The following AHCTF1 variants were observed in gnomAD, a reference collection of about 807,000 sequenced individuals.
The protein encoded by AHCTF1 is AT-hook containing transcription factor 1.
AHCTF1 carries 24 observed loss-of-function variants against 248.4 expected under a neutral mutation model. That is an observed-to-expected ratio of 0.10 (90% CI 0.07 to 0.14). The LOEUF (loss-of-function observed/expected upper bound fraction) is 0.14. Among genes scored for constraint, AHCTF1 ranks in the 10% least tolerant of loss-of-function variants. The pLI, the probability that AHCTF1 is intolerant of heterozygous loss-of-function variation, is 1.00. For synonymous variants in AHCTF1, 786 were observed against 929.8 expected (o/e 0.85, Z 2.81); for missense variants, 2,206 against 2,636.2 (o/e 0.84, Z 3.57).
In AHCTF1 at chr1:246,877,097, T is replaced by C. The variant is rs754188356; in HGVS notation, c.2806-16A>G. On this transcript the variant is annotated splice_polypyrimidine_tract_variant and intron_variant, in intron 22 of 35. Coordinates refer to ENST00000648844, the MANE Select transcript of AHCTF1 (RefSeq NM_001323342.2). Reference sequence around the variant, plus strand: ...CTAAACATTCCTAAAAAGAACAAAATAGATTGTAAACTACCAATTTATCTT... The same window carrying C: ...CTAAACATTCCTAAAAAGAACAAAACAGATTGTAAACTACCAATTTATCTT... The C allele has an allele frequency of 6.2e-7, 1 of 1,612,306 alleles. No individual in the cohort carries two copies. Among genetic ancestry groups the C allele is most frequent in the East Asian group, 2.2e-5 (1 of 44,870 alleles).
intron 26 of AHCTF1, 23 bp from the exon 27 acceptor site, chr1:246,864,139 T>TTGAG: frequency 6.2e-7 from 1 of 1,607,732 alleles, no homozygotes; most frequent in Admixed American, 1.7e-5. Context: ...TGCGCATTTA[T>TTGAG]TGAGTTATAC....
chr1:246,916,717 T>C (rs1666174912), intron 2 of AHCTF1, among the ~76,000 whole-genome samples: 1 of 152,188 alleles, frequency 6.6e-6, no homozygotes, highest in Non-Finnish European at 1.5e-5. Context: ...GAATGTTATC[T>C]CATTTATTCC....
intron 23 of AHCTF1, 135 bp downstream of exon 23, chr1:246,876,815 A>AACTGAGGATTCTCCAAGTTCAGTTCC: frequency 9.3e-7 from 1 of 1,077,622 alleles, no homozygotes; most frequent in Non-Finnish European, 1.3e-6. Flanking sequence ...TACAGAGATG[A>AACTGAGGATTCTCCAAGTTCAGTTCC]ACTGAGGATT....
intron 1 of AHCTF1, among the ~76,000 whole-genome samples, chr1:246,927,905 CAGGAGAA>C (rs1667056497): frequency 6.6e-6 from 1 of 152,148 alleles, no homozygotes; most frequent in Non-Finnish European, 1.5e-5. Flanking sequence ...GAGGCTGAGG[CAGGAGAA>C]TCGCTTGAAC....
In AHCTF1 at chr1:246,881,827, G is replaced by A. The variant is rs1294803254; in HGVS notation, c.2660+3666C>T. On this transcript the variant is annotated intron_variant, in intron 21 of 35. Coordinates refer to ENST00000648844, the MANE Select transcript of AHCTF1 (RefSeq NM_001323342.2). ...CACCCCAGCCTGGGTAACAGAGCAA[G>A]GCTCCGTCTCAAAAAAAAAAACCAA... Among the ~76,000 whole-genome samples, 5 of 135,278 alleles carry A rather than the reference G, an allele frequency of 3.7e-5. 2 individuals are homozygous for A. Among genetic ancestry groups the A allele is most frequent in the East Asian group, 2.2e-4 (1 of 4,598 alleles). 88.7% of individuals were successfully genotyped at this position (135,278 alleles called of 152,430 possible). A position where few individuals can be genotyped will look rare whatever the true frequency, so the allele number is the denominator to read the frequency against.
chr1:246,909,409 A>C (rs985066558), intron 4 of AHCTF1, among the ~76,000 whole-genome samples: 3 of 149,858 alleles, frequency 2.0e-5, no homozygotes, highest in Admixed American at 6.6e-5. Flanking sequence ...AAAAAAAAAA[A>C]AAAAAAAAAA....
chr1:246,917,666 A>G (rs1342791400), intron 2 of AHCTF1, among the ~76,000 whole-genome samples: 1 of 152,166 alleles, frequency 6.6e-6, no homozygotes, highest in Admixed American at 6.5e-5. Flanking sequence ...TGACTGATAC[A>G]TATGTTTTGC....
intron 1 of AHCTF1, among the ~76,000 whole-genome samples, chr1:246,929,886 T>C (rs1667212370): frequency 6.6e-6 from 1 of 152,126 alleles, no homozygotes. Context: ...ACCCCGTCTC[T>C]ACTAAAAATA....
At chr1:246,847,842 T>C (rs1304614308) in intron 33 of AHCTF1, among the ~76,000 whole-genome samples, 1 of 152,168 alleles carries the variant, frequency 6.6e-6, no homozygotes, top group Non-Finnish European at 1.5e-5. Flanking sequence ...TCACTTTTGG[T>C]GGTTACTATA....
intron 33 of AHCTF1, among the ~76,000 whole-genome samples, chr1:246,847,024 T>C (rs1005705800): frequency 1.3e-5 from 2 of 152,170 alleles, no homozygotes; most frequent in African/African-American, 2.4e-5. Flanking sequence ...CAGTGGCTCA[T>C]GCCTATAATC....
intron 29 of AHCTF1, among the ~76,000 whole-genome samples, chr1:246,858,264 C>T (rs1572373034): frequency 6.6e-6 from 1 of 151,998 alleles, no homozygotes; most frequent in Non-Finnish European, 1.5e-5. Context: ...CGGCCAACAC[C>T]TTCTTCTTCT....
intron 33 of AHCTF1, among the ~76,000 whole-genome samples, chr1:246,846,228 G>A (rs565004581): frequency 6.1e-4 from 93 of 151,262 alleles, no homozygotes; most frequent in African/African-American, 2.1e-3. Context: ...ATAAAATAAA[G>A]GACCACCTCT....
chr1:246,897,009 T>G (rs1558257599), intron 12 of AHCTF1, among the ~76,000 whole-genome samples: 1 of 152,154 alleles, frequency 6.6e-6, no homozygotes, highest in Non-Finnish European at 1.5e-5. Context: ...TCTACCACAT[T>G]GCAATGAGAA....
intron 31 of AHCTF1, among the ~76,000 whole-genome samples, chr1:246,855,227 T>C (rs1661030458): frequency 6.6e-6 from 1 of 152,156 alleles, no homozygotes; most frequent in African/African-American, 2.4e-5. Flanking sequence ...TTCCCCTGAA[T>C]CCAACTGTAA....
chr1:246,887,370 G>A lies in AHCTF1; in HGVS notation c.2326-13C>T, dbSNP rs371558157. ...GCAAATAAATGGTCTTTTAAAAAGC[G>A]GATTAAGGACAATAAAATACAACAA... On this transcript the variant is annotated splice_polypyrimidine_tract_variant and intron_variant, in intron 19 of 35. Coordinates refer to ENST00000648844, the MANE Select transcript of AHCTF1 (RefSeq NM_001323342.2). The A allele has an allele frequency of 1.6e-5, 25 of 1,599,796 alleles. 1 individual carries two copies. The highest frequency in any genetic ancestry group is 9.4e-5 in the African/African-American group (7 of 74,218).
intron 4 of AHCTF1, among the ~76,000 whole-genome samples, chr1:246,912,232 C>T (rs1436760329): frequency 1.3e-5 from 2 of 151,836 alleles, no homozygotes; most frequent in Non-Finnish European, 2.9e-5. Flanking sequence ...AATCCCAGCA[C>T]TTGGGAGGCC....
At chr1:246,927,553 T>C (rs1450843970) in intron 1 of AHCTF1, among the ~76,000 whole-genome samples, 4 of 152,200 alleles carry the variant, frequency 2.6e-5, no homozygotes, top group Non-Finnish European at 5.9e-5. Context: ...CAAACACACA[T>C]GAAACACCTA....
chr1:246,898,159 A>G (rs768058259), intron 12 of AHCTF1, 49 bp downstream of exon 12: 6 of 1,606,184 alleles, frequency 3.7e-6, no homozygotes. Flanking sequence ...ATAGAAAGCT[A>G]ATAACGTGAT....
intron 2 of AHCTF1, among the ~76,000 whole-genome samples, 169 bp downstream of exon 2, chr1:246,918,081 A>T (rs1039010): frequency 5.9e-5 from 9 of 152,116 alleles, no homozygotes; most frequent in South Asian, 2.1e-4. Context: ...CACTGATAAC[A>T]TGTTTAAGAG....
Sources: gnomAD v4.1 joint callset for allele counts (sites outside exome capture counted in the v4.1 genomes callset) on GRCh38, gnomAD v4.1.1 for gene constraint, MANE v1.5 for transcripts, NCBI Gene and HGNC (gene_info 2026-07-23, HGNC 2026-07-21) for gene names.